Variants in CCM2 observed in about 807,000 individuals in gnomAD.
CCM2 encodes CCM2 scaffold protein, also known as cerebral cavernous malformations 2 protein.
A neutral mutation model predicts 44.9 loss-of-function variants in CCM2; 25 were observed. That is an observed-to-expected ratio of 0.56 (90% confidence interval 0.41 to 0.78). The LOEUF is 0.78. CCM2 is among the 30% of genes least tolerant of loss of function. The probability of loss-of-function intolerance (pLI) is 0.00; values close to 1 mark genes in which losing one functional copy is unlikely to be tolerated. For missense variants in CCM2, 481 were observed against 580.6 expected, an observed-to-expected ratio of 0.83 and a Z score of 1.76; for synonymous variants, 219 against 241.1, an observed-to-expected ratio of 0.91 and a Z score of 0.85.
chr7:45,009,145 A>C (rs1377848445), intron 1 of CCM2, among the ~76,000 whole-genome samples: 2 of 151,814 alleles, frequency 1.3e-5, no homozygotes, highest in Admixed American at 1.3e-4. Flanking sequence ...CTACAAAAAT[A>C]CAAAAATAAG....
At chr7:45,006,881 CTAT>C (rs965647444) in intron 1 of CCM2, among the ~76,000 whole-genome samples, 6 of 152,144 alleles carry the variant, frequency 3.9e-5, no homozygotes, top group African/African-American at 1.4e-4. Flanking sequence ...GAATAAGTTT[CTAT>C]TATTGAAGCC....
intron 2 of CCM2, among the ~76,000 whole-genome samples, chr7:45,041,971 CT>C (rs1270245854): frequency 1.3e-5 from 2 of 152,244 alleles, no homozygotes; most frequent in East Asian, 1.9e-4. Flanking sequence ...CCTTTGACCC[CT>C]ACTTGGTGGT....
chr7:45,024,944 GTCCC>G (rs1796623416), intron 1 of CCM2, among the ~76,000 whole-genome samples: 1 of 152,138 alleles, frequency 6.6e-6, no homozygotes, highest in African/African-American at 2.4e-5. Flanking sequence ...TGATATTTGT[GTCCC>G]TCTTTGATTC....
At chr7:45,062,898 G>C (rs1239014444) in intron 2 of CCM2, among the ~76,000 whole-genome samples, 1 of 151,962 alleles carries the variant, frequency 6.6e-6, no homozygotes, top group Admixed American at 6.6e-5. Context: ...CTGGTGAGGG[G>C]CTGCATCTGC....
At chr7:45,062,976 A>G (rs1798596054) in intron 2 of CCM2, 1 of 152,108 alleles carries the variant, frequency 6.6e-6, no homozygotes. Context: ...TCATCCTTTC[A>G]TCAGGAACCT....
chr7:45,025,997 G>A (rs1796675128), intron 1 of CCM2, among the ~76,000 whole-genome samples: 1 of 152,206 alleles, frequency 6.6e-6, no homozygotes, highest in Non-Finnish European at 1.5e-5. Flanking sequence ...GTGTTTGTGA[G>A]GGAAGGTTGG....
chr7:45,007,832 A>G (rs185111095), intron 1 of CCM2, among the ~76,000 whole-genome samples: 719 of 152,290 alleles, frequency 4.7e-3, no homozygotes, highest in Non-Finnish European at 8.2e-3. Context: ...GGAGTGGGAG[A>G]TAACCATTTC....
intron 2 of CCM2, among the ~76,000 whole-genome samples, chr7:45,048,040 A>C (rs1797841040): frequency 6.6e-6 from 1 of 152,074 alleles, no homozygotes; most frequent in Admixed American, 6.6e-5. Flanking sequence ...AGAGAGGGAA[A>C]GTGGGAATGG....
At chr7:45,071,447 A>G (rs1198472274) in intron 6 of CCM2, 2 of 215,068 alleles carry the variant, frequency 9.3e-6, no homozygotes, top group Non-Finnish European at 9.6e-6. Flanking sequence ...CGTGGGATCC[A>G]CACACAGATG....
intron 6 of CCM2, chr7:45,071,469 C>T (rs1352270475): frequency 1.1e-5 from 3 of 267,078 alleles, no homozygotes; most frequent in Middle Eastern, 1.3e-3. Flanking sequence ...GCACACGTTA[C>T]GCACATGCAT....
At chr7:45,054,087 C>T (rs766586429) in intron 2 of CCM2, among the ~76,000 whole-genome samples, 11 of 152,156 alleles carry the variant, frequency 7.2e-5, no homozygotes, top group Non-Finnish European at 1.3e-4. Context: ...GGATCCAGCA[C>T]CTTGAGGTCC....
At chr7:45,053,460 T>C (rs1230192018) in intron 2 of CCM2, among the ~76,000 whole-genome samples, 1 of 152,234 alleles carries the variant, frequency 6.6e-6, no homozygotes, top group African/African-American at 2.4e-5. Flanking sequence ...AGCACCCTTC[T>C]TGGCTTCGTA....
intron 1 of CCM2, among the ~76,000 whole-genome samples, chr7:45,017,566 A>G (rs59653480): frequency 0.04 from 5,931 of 149,616 alleles, 378 homozygotes; most frequent in African/African-American, 0.14. Context: ...TTGAAGAGTC[A>G]GACTGTGTGG....
chr7:45,035,400 A>G (rs1352959220), intron 1 of CCM2, among the ~76,000 whole-genome samples: 3 of 152,118 alleles, frequency 2.0e-5, no homozygotes, highest in South Asian at 4.1e-4. Context: ...TCCTTACTCC[A>G]TGCTCTCCCC....
intron 2 of CCM2, among the ~76,000 whole-genome samples, chr7:45,053,200 C>T (rs928639262): frequency 6.6e-6 from 1 of 152,208 alleles, no homozygotes; most frequent in African/African-American, 2.4e-5. Flanking sequence ...CTTGCAGTTC[C>T]TATGGTACTT....
At chr7:45,019,205 G>A (rs758567682) in intron 1 of CCM2, among the ~76,000 whole-genome samples, 4 of 151,888 alleles carry the variant, frequency 2.6e-5, no homozygotes, top group East Asian at 1.9e-4. Flanking sequence ...CTGAGTAGCC[G>A]GGACTACAGG....
chr7:45,055,888 T>A (rs1798235539), intron 2 of CCM2, among the ~76,000 whole-genome samples: 1 of 152,240 alleles, frequency 6.6e-6, no homozygotes, highest in Non-Finnish European at 1.5e-5. Context: ...TTTTTGTCTC[T>A]ATGATTTGAC....
At chr7:45,038,227 C>T in intron 1 of CCM2, 26 bp from the exon 2 acceptor site, 1 of 1,613,176 alleles carries the variant, frequency 6.2e-7, no homozygotes, top group Non-Finnish European at 8.5e-7. Flanking sequence ...ATAATGAACT[C>T]CAATCATTGC....
At chr7:45,021,913 A>C (rs989937282) in intron 1 of CCM2, among the ~76,000 whole-genome samples, 1 of 152,182 alleles carries the variant, frequency 6.6e-6, no homozygotes, top group Non-Finnish European at 1.5e-5. Context: ...GTAGGTAGCA[A>C]CCTTTTTTTC....
Sources: allele counts gnomAD v4.1 joint callset (sites outside exome capture counted in the v4.1 genomes callset), GRCh38; gene constraint gnomAD v4.1.1; transcripts MANE v1.5; gene names NCBI Gene and HGNC (gene_info 2026-07-23, HGNC 2026-07-21).